Variants in KAT7 observed in about 807,000 individuals in gnomAD.
KAT7 encodes the protein histone acetyltransferase KAT7.
A neutral mutation model predicts 82.1 loss-of-function variants in KAT7; 10 were observed. The ratio of observed to expected loss-of-function variants is 0.12; its 90% confidence interval spans 0.08 to 0.21. The LOEUF is 0.21. Ranked by LOEUF, KAT7 falls within the 10% of genes least tolerant of loss-of-function variation. KAT7 has a pLI of 1.00. For synonymous variants in KAT7, 250 were observed against 262.5 expected (o/e 0.95, Z 0.46); for missense variants, 378 against 760.9 (o/e 0.50, Z 5.92).
chr17:49,804,883 T>C (rs749387664), intron 4 of KAT7, among the ~76,000 whole-genome samples: 2 of 152,246 alleles, frequency 1.3e-5, no homozygotes, highest in Non-Finnish European at 2.9e-5. Flanking sequence ...TGTTTACTTA[T>C]ATGATAGAAA....
In KAT7 at chr17:49,805,473, A is replaced by G. The variant is rs200945673; in HGVS notation, c.663+28A>G. 3.7e-5 allele frequency: 57 copies of G among 1,523,388 alleles called. No homozygotes were observed. The African/African-American group carries it at 4.8e-4, about 13-fold the overall frequency. 94.4% of individuals were successfully genotyped at this position (1,523,388 alleles called of 1,614,324 possible). ...AATTGTGCTCTCATTTATTCAACACATGCTTATTGAGTGCTTACCGTTTGC... is the reference window on the plus strand; with the variant it reads ...AATTGTGCTCTCATTTATTCAACACGTGCTTATTGAGTGCTTACCGTTTGC... On this transcript the variant is annotated intron_variant, in intron 5 of 14. Coordinates refer to ENST00000259021, the MANE Select transcript of KAT7 (RefSeq NM_007067.5).
intron 9 of KAT7, among the ~76,000 whole-genome samples, chr17:49,818,571 T>C: frequency 6.6e-6 from 1 of 152,144 alleles, no homozygotes; most frequent in East Asian, 1.9e-4. Flanking sequence ...AATCTGTTAT[T>C]GTTGACAAAT....
chr17:49,794,333 T>G (rs529878120), intron 2 of KAT7, among the ~76,000 whole-genome samples: 11 of 152,232 alleles, frequency 7.2e-5, no homozygotes, highest in African/African-American at 2.4e-4. Flanking sequence ...TCGCCCAGGC[T>G]GGAGTGCAGT....
chr17:49,822,306 C>T (rs1598087629), intron 11 of KAT7, among the ~76,000 whole-genome samples: 1 of 151,916 alleles, frequency 6.6e-6, no homozygotes, highest in African/African-American at 2.4e-5. Flanking sequence ...TGACTCACTG[C>T]ACCCTCTGCC....
intron 5 of KAT7, among the ~76,000 whole-genome samples, chr17:49,808,051 C>T (rs1012781882): frequency 6.6e-6 from 1 of 151,388 alleles, no homozygotes; most frequent in African/African-American, 2.4e-5. Flanking sequence ...CTGTTGAGAG[C>T]TGATGTGATT....
In KAT7 at chr17:49,818,808, G is replaced by A. The variant is rs188125446; in HGVS notation, c.1155+797G>A. 3.7e-3 allele frequency among the ~76,000 whole-genome samples: 554 copies of A among 151,648 alleles called. 4 individuals are homozygous for A. Among genetic ancestry groups the A allele is most frequent in the African/African-American group, 0.012 (489 of 41,322 alleles). ...GGCTGGAGTGCAGTGGCGCGATCTT[G>A]GCTCACTGCAACCTCCGCCTCCCAG... On this transcript the variant is annotated intron_variant, in intron 9 of 14. Transcript: ENST00000259021.
At chr17:49,805,154 G>C (rs180830509) in intron 4 of KAT7, among the ~76,000 whole-genome samples, 2 of 152,152 alleles carry the variant, frequency 1.3e-5, no homozygotes, top group African/African-American at 4.8e-5. Flanking sequence ...TCATACATAA[G>C]CATGTTCAAA....
Position 49,818,255 on chromosome 17 carries a change from T to C in KAT7, c.1155+244T>C, listed in dbSNP as rs75933720. On this transcript the variant is annotated intron_variant, in intron 9 of 14. Transcript: ENST00000259021. Reference sequence around the variant, plus strand: ...CCACATCCTGTCATGTACATCTTCTTGTCTTTTGTTCTTGCTGCCTACTGC... The same window carrying C: ...CCACATCCTGTCATGTACATCTTCTCGTCTTTTGTTCTTGCTGCCTACTGC... Among the ~76,000 whole-genome samples the C allele has an allele frequency of 6.0e-3, 920 of 152,318 alleles. 14 individuals are homozygous for C. Among genetic ancestry groups the C allele is most frequent in the African/African-American group, 0.02 (832 of 41,570 alleles).
rs990205413 is a variant in KAT7, at chr17:49,833,427, C to G, written c.*5925C>G. On this transcript the variant is annotated 3_prime_UTR_variant, in exon 15 of 15. Coordinates refer to ENST00000259021, the MANE Select transcript of KAT7 (RefSeq NM_007067.5). Reference sequence around the variant, plus strand: ...GGTAGATCATCTCCAAAGATGGCCACCAACAGTTGCTCTCATCCTCTGTGC... The same window carrying G: ...GGTAGATCATCTCCAAAGATGGCCAGCAACAGTTGCTCTCATCCTCTGTGC... 6 of 152,146 alleles carry G rather than the reference C, an allele frequency of 3.9e-5. No individual in the cohort carries two copies. The highest frequency in any genetic ancestry group is 7.4e-5 in the Non-Finnish European group (5 of 68,016). 9.4% of individuals were successfully genotyped at this position (152,146 alleles called of 1,614,324 possible).
chr17:49,790,690 G>A (rs1046146713), intron 1 of KAT7, among the ~76,000 whole-genome samples: 2 of 152,090 alleles, frequency 1.3e-5, no homozygotes, highest in African/African-American at 4.8e-5. Flanking sequence ...GTCTCATTTA[G>A]TGTGACTGTT....
intron 4 of KAT7, among the ~76,000 whole-genome samples, chr17:49,799,795 T>A (rs1222058969): frequency 6.6e-6 from 1 of 151,720 alleles, no homozygotes; most frequent in Non-Finnish European, 1.5e-5. Context: ...CCCAAGTAGC[T>A]GGGACTACAG....
intron 4 of KAT7, among the ~76,000 whole-genome samples, chr17:49,803,520 G>T (rs1199490617): frequency 1.3e-5 from 2 of 152,072 alleles, no homozygotes; most frequent in Non-Finnish European, 2.9e-5. Context: ...CGCCTCCCGG[G>T]TTCACACCAT....
chr17:49,788,953 T>G, intron 1 of KAT7, 104 bp downstream of exon 1: 1 of 1,111,226 alleles, frequency 9.0e-7, no homozygotes, highest in Non-Finnish European at 1.2e-6. Flanking sequence ...AACTTTCCGC[T>G]CCCCCGAACC....
chr17:49,798,682 T>A (rs1000981675), intron 4 of KAT7, 124 bp downstream of exon 4: 110 of 894,520 alleles, frequency 1.2e-4, no homozygotes, highest in South Asian at 6.9e-4. Flanking sequence ...ATGTGCTGAG[T>A]GATAATGAGT....
intron 8 of KAT7, among the ~76,000 whole-genome samples, chr17:49,816,375 A>G (rs1034637677): frequency 2.0e-5 from 3 of 152,132 alleles, no homozygotes; most frequent in African/African-American, 7.2e-5. Flanking sequence ...TTTAGAATTA[A>G]TCTTTGACAC....
At chr17:49,821,932 AGGC>A in intron 11 of KAT7, 142 bp downstream of exon 11, 1 of 671,210 alleles carries the variant, frequency 1.5e-6, no homozygotes, top group Non-Finnish European at 2.5e-6. Context: ...AAAAAAAAAA[AGGC>A]AAACCCATGT....
intron 9 of KAT7, 63 bp downstream of exon 9, chr17:49,818,074 T>A: frequency 7.1e-7 from 1 of 1,411,178 alleles, no homozygotes; most frequent in South Asian, 1.2e-5. Context: ...ATCTCTAGAT[T>A]TTGCCATAGC....
intron 7 of KAT7, among the ~76,000 whole-genome samples, chr17:49,813,496 A>ACT (rs1374897427): frequency 6.6e-6 from 1 of 152,190 alleles, no homozygotes; most frequent in Non-Finnish European, 1.5e-5. Context: ...GCATGGCTTC[A>ACT]CTAAGACAAA....
intron 11 of KAT7, 31 bp downstream of exon 11, chr17:49,821,821 T>C: frequency 1.2e-6 from 2 of 1,610,040 alleles, no homozygotes; most frequent in Non-Finnish European, 1.7e-6. Flanking sequence ...AAGAAGCCAA[T>C]GGCCAGAGCA....
Sources: gnomAD v4.1 joint callset for allele counts (sites outside exome capture counted in the v4.1 genomes callset) on GRCh38, gnomAD v4.1.1 for gene constraint, MANE v1.5 for transcripts, NCBI Gene and HGNC (gene_info 2026-07-23, HGNC 2026-07-21) for gene names.